Variants in FCHO2 observed in about 807,000 individuals in gnomAD.
FCHO2 encodes FCH and mu domain containing endocytic adaptor 2.
A neutral mutation model predicts 114.1 loss-of-function variants in FCHO2; 43 were observed. That is an observed-to-expected ratio of 0.38 (90% CI 0.30 to 0.49). The LOEUF (loss-of-function observed/expected upper bound fraction) is 0.49. Among genes scored for constraint, FCHO2 ranks in the 20% least tolerant of loss-of-function variants. The pLI, the probability that FCHO2 is intolerant of heterozygous loss-of-function variation, is 0.97. For synonymous variants in FCHO2, 293 were observed against 315.2 expected (o/e 0.93, Z 0.75); for missense variants, 807 against 950.4 (o/e 0.85, Z 1.98).
At chr5:73,039,733 GC>G (rs1176332646) in intron 10 of FCHO2, among the ~76,000 whole-genome samples, 3 of 151,618 alleles carry the variant, frequency 2.0e-5, no homozygotes, top group African/African-American at 7.3e-5. Context: ...TTCAAGACCA[GC>G]CTGGCCAACA....
chr5:73,009,084 G>A (rs1754862562), intron 6 of FCHO2, among the ~76,000 whole-genome samples: 5 of 152,180 alleles, frequency 3.3e-5, no homozygotes, highest in Admixed American at 3.3e-4. Flanking sequence ...AGCCAAAGAA[G>A]AAAGAAGAAA....
intron 17 of FCHO2, among the ~76,000 whole-genome samples, chr5:73,059,320 T>G (rs773601454): frequency 1.3e-5 from 2 of 152,172 alleles, no homozygotes; most frequent in Non-Finnish European, 2.9e-5. Flanking sequence ...TGCCACACAT[T>G]CTATTTAATT....
At chr5:73,074,976 GTTTA>G (rs923366660) in intron 20 of FCHO2, 123 bp downstream of exon 20, 4 of 741,512 alleles carry the variant, frequency 5.4e-6, no homozygotes, top group South Asian at 2.2e-5. Flanking sequence ...GTTTTCTGTT[GTTTA>G]TTTACCTGCT....
At chr5:73,029,978 A>T (rs1161363136) in intron 8 of FCHO2, among the ~76,000 whole-genome samples, 1 of 150,814 alleles carries the variant, frequency 6.6e-6, no homozygotes, top group East Asian at 1.9e-4. Context: ...TTATTTTTGG[A>T]CATTTTTTTC....
At chr5:73,069,518 C>T (rs962742184) in intron 19 of FCHO2, among the ~76,000 whole-genome samples, 2 of 151,970 alleles carry the variant, frequency 1.3e-5, no homozygotes, top group African/African-American at 4.8e-5. Flanking sequence ...AACCTAGATC[C>T]CTCACATGCA....
chr5:73,058,899 A>G (rs1244056399), intron 17 of FCHO2, among the ~76,000 whole-genome samples: 1 of 152,200 alleles, frequency 6.6e-6, no homozygotes, highest in Non-Finnish European at 1.5e-5. Context: ...CATCCATAGA[A>G]ATAACAAATT....
At chr5:73,064,882 C>G (rs1438551326) in intron 18 of FCHO2, among the ~76,000 whole-genome samples, 2 of 151,956 alleles carry the variant, frequency 1.3e-5, no homozygotes, top group African/African-American at 2.4e-5. Context: ...TAGGCAAAAC[C>G]CTCTTTGATC....
intron 8 of FCHO2, among the ~76,000 whole-genome samples, chr5:73,019,425 C>T (rs995145723): frequency 1.3e-5 from 2 of 152,002 alleles, no homozygotes; most frequent in Non-Finnish European, 2.9e-5. Context: ...ATCTGTAATC[C>T]CAGCTACTTG....
chr5:73,016,891 T>G (rs926774707), intron 7 of FCHO2, among the ~76,000 whole-genome samples: 1 of 151,886 alleles, frequency 6.6e-6, no homozygotes, highest in Non-Finnish European at 1.5e-5. Flanking sequence ...GTGTGTGTGT[T>G]TTTTTTAAGC....
rs556539645 is a variant in FCHO2, at chr5:73,084,255, G to GGTTTT, written c.2245+1451_2245+1455dup. Among the ~76,000 whole-genome samples, 599 of 151,680 alleles carry GGTTTT rather than the reference G, an allele frequency of 3.9e-3. 2 individuals are homozygous for GGTTTT. Among genetic ancestry groups the GGTTTT allele is most frequent in the African/African-American group, 0.013 (552 of 41,386 alleles). On this transcript the variant is annotated intron_variant, in intron 24 of 25. Transcript: ENST00000430046. ...TTTTCTGCTTGTTTTTTTAGGGTTTGGTTTTGTTTTGTTTTGTTTTGTTTT... is the reference window on the plus strand; with the variant it reads ...TTTTCTGCTTGTTTTTTTAGGGTTTGGTTTTGTTTTGTTTTGTTTTGTTTTGTTTT...
At chr5:73,071,085 T>G (rs570767229) in intron 19 of FCHO2, among the ~76,000 whole-genome samples, 1 of 152,174 alleles carries the variant, frequency 6.6e-6, no homozygotes, top group South Asian at 2.1e-4. Flanking sequence ...GATTAACTAT[T>G]TCAGTTTTGT....
At chr5:72,973,445 T>C (rs1186155203) in intron 2 of FCHO2, among the ~76,000 whole-genome samples, 2 of 152,196 alleles carry the variant, frequency 1.3e-5, no homozygotes, top group Admixed American at 6.5e-5. Context: ...GTGTATGTGT[T>C]GAGGAATTTA....
intron 11 of FCHO2, among the ~76,000 whole-genome samples, chr5:73,044,938 G>A (rs948719284): frequency 2.6e-5 from 4 of 152,126 alleles, no homozygotes; most frequent in African/African-American, 9.7e-5. Flanking sequence ...GATTGAATGG[G>A]TAAAGATGAA....
chr5:72,971,239 T>C (rs1179197191), intron 2 of FCHO2, among the ~76,000 whole-genome samples: 1 of 151,990 alleles, frequency 6.6e-6, no homozygotes, highest in African/African-American at 2.4e-5. Flanking sequence ...CTGGGTCAAA[T>C]GGTATTTCTA....
At chr5:73,020,889 A>G (rs1233481311) in intron 8 of FCHO2, 3 of 1,138,014 alleles carry the variant, frequency 2.6e-6, no homozygotes, top group Non-Finnish European at 4.0e-6. Flanking sequence ...TCAGCTCACC[A>G]CGGGAGAGCT....
At chr5:73,010,261 T>TGA (rs1020374065) in intron 6 of FCHO2, among the ~76,000 whole-genome samples, 4 of 152,176 alleles carry the variant, frequency 2.6e-5, no homozygotes, top group African/African-American at 9.7e-5. Flanking sequence ...TATTTGTGAT[T>TGA]TAAGTTTTTA....
At chr5:73,051,532 C>A in intron 12 of FCHO2, 126 bp downstream of exon 12, 1 of 602,550 alleles carries the variant, frequency 1.7e-6, no homozygotes, top group Non-Finnish European at 2.7e-6. Flanking sequence ...CCTTGTTTGT[C>A]ATTTGACATG....
chr5:73,007,313 A>G (rs1331447006), intron 6 of FCHO2, among the ~76,000 whole-genome samples: 1 of 152,188 alleles, frequency 6.6e-6, no homozygotes, highest in Non-Finnish European at 1.5e-5. Context: ...AGGCTGGTGG[A>G]TGAACTCCTT....
intron 5 of FCHO2, chr5:72,997,747 G>A (rs753937394): frequency 9.9e-6 from 14 of 1,407,374 alleles, no homozygotes; most frequent in Non-Finnish European, 1.3e-5. Context: ...GCCTGGGCAG[G>A]GTCTGCCCCT....
Sources: gnomAD v4.1 joint callset for allele counts (sites outside exome capture counted in the v4.1 genomes callset) on GRCh38, gnomAD v4.1.1 for gene constraint, MANE v1.5 for transcripts, NCBI Gene and HGNC (gene_info 2026-07-23, HGNC 2026-07-21) for gene names.